SERINC2: variants seen among roughly 807,000 people sequenced by gnomAD.
SERINC2 encodes the protein tumor differentially expressed protein 2.
In SERINC2, 56 loss-of-function variants were observed where a neutral mutation model predicts 54.2. The ratio of observed to expected loss-of-function variants is 1.03; its 90% CI spans 0.83 to 1.29. The LOEUF is 1.29. Ranked by LOEUF, SERINC2 falls within the 50% of genes most tolerant of loss-of-function variation. SERINC2 has a pLI of 0.00. For missense variants in SERINC2, 614 were observed against 607.4 expected, an observed-to-expected ratio of 1.01 and a Z score of -0.12; for synonymous variants, 272 against 253.1, an observed-to-expected ratio of 1.07 and a Z score of -0.71.
At position 31,434,176 on chromosome 1, in the gene SERINC2, C is replaced by T. The variant is rs782695896; in HGVS notation, c.1345C>T (p.Leu449=). ...YLWTLVAPLL[L]RNRDFS ...GTGGACCCTGGTAGCCCCACTCCTC[C>T]TGCGCAACCGCGACTTCAGCTGAGG... The change falls in exon 10 of 10, where the codon CTG becomes TTG. Residue 449 remains leucine (L), a synonymous_variant. Coordinates refer to ENST00000373709, the MANE Select transcript of SERINC2 (RefSeq NM_178865.5). The T allele has an allele frequency of 1.8e-5, 29 of 1,613,472 alleles. No homozygotes were observed. Among genetic ancestry groups the T allele is most frequent in the Non-Finnish European group, 2.1e-5 (25 of 1,179,932 alleles).
chr1:31,431,842 AG>A (rs1641233276), intron 8 of SERINC2, among the ~76,000 whole-genome samples: 2 of 147,110 alleles, frequency 1.4e-5, no homozygotes, highest in Non-Finnish European at 3.0e-5. Flanking sequence ...TAGGGTGGAT[AG>A]GGTGGATAGG....
intron 8 of SERINC2, among the ~76,000 whole-genome samples, chr1:31,432,380 T>C (rs1641328396): frequency 6.6e-6 from 1 of 152,098 alleles, no homozygotes; most frequent in South Asian, 2.1e-4. Context: ...GTTAAAAACA[T>C]CAAGGCTCAT....
In SERINC2 at chr1:31,413,477, C is replaced by T. The variant is rs968180889; in HGVS notation, c.39+173C>T. Among the ~76,000 whole-genome samples, 3 of 152,094 alleles carry T rather than the reference C, an allele frequency of 2.0e-5. No homozygotes were observed. The highest frequency in any genetic ancestry group is 7.2e-5 in the African/African-American group (3 of 41,428). ...TGGACCTTCACTCGGCACCCGGATC[C>T]CGCTGCCCCCGTCCCCCTGCTCAGT... On this transcript the variant is annotated intron_variant, in intron 1 of 9. Transcript: ENST00000373709. This position sits in a 1 kb window ranked among gnomAD's most constrained non-coding sequence, Gnocchi z 5.0.
intron 1 of SERINC2, among the ~76,000 whole-genome samples, chr1:31,420,987 A>G (rs1435800450): frequency 3.3e-5 from 5 of 152,108 alleles, no homozygotes; most frequent in African/African-American, 1.2e-4. Context: ...AATGTTCTTT[A>G]TAGCAGGGGT....
chr1:31,424,717 C>G lies in SERINC2; in HGVS notation c.236C>G (p.Pro79Arg), dbSNP rs1182197198. 1.2e-6 allele frequency: 2 copies of G among 1,607,090 alleles called. No homozygotes were observed. Among genetic ancestry groups the G allele is most frequent in the African/African-American group, 2.7e-5 (2 of 74,952 alleles). ...GTGTGTGAGGAGGGGGCCGGGATCC[C>G]CACCGTCCTGCAGGGCCACATCGAC... ...PWVCEEGAGIPTVLQGHIDCG... is the reference protein window; with the variant it reads ...PWVCEEGAGIRTVLQGHIDCG... Residue 79 changes from proline (P) to arginine (R), a missense_variant, in exon 3 of 10, where the codon CCC becomes CGC. Transcript: ENST00000373709.
Position 31,434,115 on chromosome 1 carries a change from G to C in SERINC2, c.1284G>C (p.Lys428Asn). The change falls in exon 10 of 10, where the codon AAG becomes AAC. Residue 428 changes from lysine (K) to asparagine (N), a missense_variant. Physicochemically the swap from Lys to Asn is moderately conservative, Grantham distance 94. Transcript: ENST00000373709. Reference protein sequence around the residue: ...MISTWTAVWVKICASWAGLLL... With the variant: ...MISTWTAVWVNICASWAGLLL... Reference sequence around the variant, plus strand: ...GCACGTGGACCGCCGTGTGGGTGAAGATCTGTGCCAGCTGGGCAGGGCTGC... The same window carrying C: ...GCACGTGGACCGCCGTGTGGGTGAACATCTGTGCCAGCTGGGCAGGGCTGC... 6.2e-7 allele frequency: 1 copy of C among 1,614,082 alleles called. No individual in the cohort carries two copies. Among genetic ancestry groups the C allele is most frequent in the Non-Finnish European group, 8.5e-7 (1 of 1,180,006 alleles).
chr1:31,416,493 G>GT (rs1439976268), intron 1 of SERINC2, among the ~76,000 whole-genome samples: 1 of 152,218 alleles, frequency 6.6e-6, no homozygotes, highest in Non-Finnish European at 1.5e-5. Flanking sequence ...CATGGGGGAA[G>GT]TAAGTGCACC....
At chr1:31,434,001 A>G (rs1641395114) in intron 9 of SERINC2, 63 bp from the exon 10 acceptor site, 4 of 1,562,880 alleles carry the variant, frequency 2.6e-6, no homozygotes, top group African/African-American at 1.3e-5. Flanking sequence ...ACATAAGGCC[A>G]GGGGCCAAGA....
intron 1 of SERINC2, among the ~76,000 whole-genome samples, chr1:31,421,588 G>A (rs1378130660): frequency 6.6e-6 from 1 of 152,222 alleles, no homozygotes; most frequent in African/African-American, 2.4e-5. Context: ...AAGAGGGGAG[G>A]CAGATGCCCG....
At chr1:31,429,177 C>A in intron 7 of SERINC2, 109 bp downstream of exon 7, 2 of 1,100,980 alleles carry the variant, frequency 1.8e-6, no homozygotes, top group South Asian at 1.3e-5. Context: ...CTGCTCCAGC[C>A]CATTCTGAGA....
rs145139080 is a variant in SERINC2, at chr1:31,424,754, G to C, written c.273G>C (p.Leu91=). Residue 91 remains leucine, a synonymous_variant, in exon 3 of 10, where the codon CTG becomes CTC. Coordinates refer to ENST00000373709, the MANE Select transcript of SERINC2 (RefSeq NM_178865.5). ...VLQGHIDCGS[L]LGYRAVYRMC... ...AGGGCCACATCGACTGTGGCTCCCT[G>C]CTTGGCTACCGCGCTGTCTACCGCA... The C allele has an allele frequency of 5.6e-6, 9 of 1,611,262 alleles. No homozygotes were observed. The African/African-American group carries it at 1.1e-4, about 19-fold the overall frequency.
At chr1:31,413,153 TG>T, upstream of SERINC2, 1 of 998,016 alleles carries the variant, frequency 1.0e-6, no homozygotes, top group Non-Finnish European at 1.2e-6. The surrounding 1 kb of genome is among the most constrained non-coding windows in gnomAD (Gnocchi z 5.0). Flanking sequence ...CTTCGGTAGG[TG>T]GGGCGGGGCC....
chr1:31,411,178 G>A (rs1553131425), upstream of SERINC2, among the ~76,000 whole-genome samples: 1 of 152,124 alleles, frequency 6.6e-6, no homozygotes, highest in Non-Finnish European at 1.5e-5. Flanking sequence ...AAGGCCTCGG[G>A]TTAGGGAAGG....
intron 9 of SERINC2, 113 bp from the exon 10 acceptor site, chr1:31,433,951 A>G: frequency 9.4e-7 from 1 of 1,069,128 alleles, no homozygotes; most frequent in Non-Finnish European, 1.4e-6. Flanking sequence ...CTGGAGTTAC[A>G]GGGTAAGAGC....
chr1:31,417,852 C>CTTTTTTTTTTTTT (rs3050463), intron 1 of SERINC2, among the ~76,000 whole-genome samples: 4 of 95,724 alleles, frequency 4.2e-5, no homozygotes, highest in South Asian at 4.0e-4. Flanking sequence ...AAATTTCATT[C>CTTTTTTTTTTTTT]TTTTTTTTTT....
intron 1 of SERINC2, chr1:31,414,206 C>T: frequency 7.4e-7 from 1 of 1,357,142 alleles, no homozygotes; most frequent in Non-Finnish European, 9.4e-7. Context: ...GCTGCAGCCG[C>T]AGAGGGGAGG....
chr1:31,413,044 G>C, upstream of SERINC2: 1 of 658,928 alleles, frequency 1.5e-6, no homozygotes. This position sits in a 1 kb window ranked among gnomAD's most constrained non-coding sequence, Gnocchi z 5.0. Context: ...GCGTGGCCGC[G>C]GGAATCCCCG....
At position 31,413,615 on chromosome 1, in the gene SERINC2, C is replaced by T. The variant is rs1173145110; in HGVS notation, c.39+311C>T. Among the ~76,000 whole-genome samples the T allele has an allele frequency of 1.3e-5, 2 of 151,990 alleles. No homozygotes were observed. The highest frequency in any genetic ancestry group is 2.0e-4 in the East Asian group (1 of 5,084). On this transcript the variant is annotated intron_variant, in intron 1 of 9. Coordinates refer to ENST00000373709, the MANE Select transcript of SERINC2 (RefSeq NM_178865.5). This position sits in a 1 kb window ranked among gnomAD's most constrained non-coding sequence, Gnocchi z 5.0. Reference sequence around the variant, plus strand: ...ACCTGGAGAGACTAAGCCTGGAGCCCGGGGTCGGGGCAGCTCTGTGGGCCC... The same window carrying T: ...ACCTGGAGAGACTAAGCCTGGAGCCTGGGGTCGGGGCAGCTCTGTGGGCCC...
chr1:31,433,331 GC>G, intron 9 of SERINC2, 146 bp downstream of exon 9: 2 of 664,206 alleles, frequency 3.0e-6, no homozygotes, highest in Non-Finnish European at 2.6e-6. Context: ...CATAGAGCCT[GC>G]CCCTTCCCTG....
Sources: gnomAD v4.1 joint callset for allele counts (sites outside exome capture counted in the v4.1 genomes callset) on GRCh38, gnomAD v4.1.1 for gene constraint, Gnocchi (gnomAD v3.1) non-coding constraint, MANE v1.5 for transcripts, NCBI Gene and HGNC (gene_info 2026-07-23, HGNC 2026-07-21) for gene names.